B3GALT1: variants seen among roughly 807,000 people sequenced by gnomAD.
B3GALT1 encodes UDP-Gal:betaGlcNAc beta 1,3-galactosyltransferase, polypeptide 1.
B3GALT1 carries 10 observed loss-of-function variants against 23.2 expected under a neutral mutation model. The observed-to-expected ratio is 0.43, with a 90% CI of 0.27 to 0.73. The LOEUF is 0.73. Among genes scored for constraint, B3GALT1 ranks in the 30% least tolerant of loss-of-function variants. B3GALT1 has a pLI of 0.21. For missense variants in B3GALT1, 299 were observed against 405.4 expected, an observed-to-expected ratio of 0.74 and a Z score of 2.25; for synonymous variants, 156 against 141.5, an observed-to-expected ratio of 1.10 and a Z score of -0.73.
intron 2 of B3GALT1, among the ~76,000 whole-genome samples, chr2:167,538,968 C>A (rs1420218269): frequency 2.6e-5 from 4 of 152,042 alleles, no homozygotes; most frequent in African/African-American, 9.7e-5. Flanking sequence ...TTCTTGTGCT[C>A]CAAATTATTG....
At chr2:167,491,280 C>T (rs558171704) in intron 2 of B3GALT1, among the ~76,000 whole-genome samples, 21 of 152,270 alleles carry the variant, frequency 1.4e-4, no homozygotes, top group African/African-American at 5.1e-4. Context: ...GGCCTGAACA[C>T]TCTGTGGTAT....
chr2:167,462,578 T>C (rs189748850), intron 1 of B3GALT1, among the ~76,000 whole-genome samples: 82 of 152,296 alleles, frequency 5.4e-4, no homozygotes, highest in African/African-American at 1.9e-3. Context: ...TATCTTAGTA[T>C]ACCCGATGAA....
At chr2:167,360,283 A>G (rs1461524572) in intron 1 of B3GALT1, among the ~76,000 whole-genome samples, 1 of 152,206 alleles carries the variant, frequency 6.6e-6, no homozygotes, top group Non-Finnish European at 1.5e-5. Context: ...ATAGTAAGCA[A>G]CTACATACTT....
intron 1 of B3GALT1, among the ~76,000 whole-genome samples, chr2:167,321,810 T>C (rs73015841): frequency 0.012 from 1,767 of 152,176 alleles, 26 homozygotes; most frequent in Admixed American, 0.033. Flanking sequence ...ATTCCACTTA[T>C]AAACTTCCCA....
intron 1 of B3GALT1, among the ~76,000 whole-genome samples, chr2:167,400,378 C>G (rs941213195): frequency 6.6e-6 from 1 of 151,986 alleles, no homozygotes; most frequent in African/African-American, 2.4e-5. Flanking sequence ...TTAGTCAGAT[C>G]TCAGATCTCC....
intron 2 of B3GALT1, among the ~76,000 whole-genome samples, chr2:167,585,438 A>G (rs1684570381): frequency 1.3e-5 from 2 of 152,206 alleles, no homozygotes; most frequent in Admixed American, 1.3e-4. Flanking sequence ...TAAACATACA[A>G]GAAGATGCTC....
chr2:167,818,825 G>A (rs836724), intron 4 of B3GALT1, among the ~76,000 whole-genome samples, 32 bp downstream of exon 4: 37,334 of 151,902 alleles, frequency 0.25, 5,053 homozygotes, highest in East Asian at 0.56. Context: ...CGAGAAACAC[G>A]TTTCTCAGTT....
intron 3 of B3GALT1, among the ~76,000 whole-genome samples, chr2:167,780,625 A>G (rs570974813): frequency 1.3e-5 from 2 of 152,316 alleles, no homozygotes; most frequent in South Asian, 2.1e-4. Flanking sequence ...CTGGATTGCT[A>G]TATTTTGGAT....
intron 3 of B3GALT1, among the ~76,000 whole-genome samples, chr2:167,748,023 G>A (rs944846972): frequency 6.6e-6 from 1 of 151,982 alleles, no homozygotes; most frequent in Non-Finnish European, 1.5e-5. Context: ...TTTGTACAAA[G>A]TTTACTGCCA....
At chr2:167,472,376 G>A (rs1699429160) in intron 1 of B3GALT1, among the ~76,000 whole-genome samples, 1 of 152,084 alleles carries the variant, frequency 6.6e-6, no homozygotes, top group Non-Finnish European at 1.5e-5. Flanking sequence ...TGGCCCCCAA[G>A]TGTATTAGAC....
chr2:167,669,624 C>CA (rs1686284948), intron 3 of B3GALT1, among the ~76,000 whole-genome samples: 1 of 152,092 alleles, frequency 6.6e-6, no homozygotes, highest in Non-Finnish European at 1.5e-5. Context: ...AGAAATGTAT[C>CA]TAAAATTTAT....
intron 1 of B3GALT1, among the ~76,000 whole-genome samples, chr2:167,474,559 T>G (rs1186108910): frequency 6.6e-6 from 1 of 152,148 alleles, no homozygotes; most frequent in African/African-American, 2.4e-5. Context: ...CTTGGGCTCA[T>G]TTCACGTGGA....
intron 2 of B3GALT1, among the ~76,000 whole-genome samples, chr2:167,539,693 C>G (rs948552745): frequency 1.3e-4 from 19 of 151,892 alleles, no homozygotes; most frequent in African/African-American, 4.4e-4. Context: ...TTTTAGTTAA[C>G]TAAAAATAGC....
In B3GALT1 at chr2:167,564,462, G is replaced by T. The variant is rs1257306092; in HGVS notation, c.-410+74185G>T. Among the ~76,000 whole-genome samples the T allele has an allele frequency of 3.3e-5, 5 of 152,146 alleles. No homozygotes were observed. The East Asian group carries it at 9.7e-4, about 29-fold the overall frequency. ...CGCTCCCCACCTCCCAGACGGGGTG[G>T]CGGCCGGGCAGAGGCTGCAATCTCG... is the stretch of plus-strand genomic sequence containing the variant. On this transcript the variant is annotated intron_variant, in intron 2 of 4. Transcript: ENST00000392690.
intron 2 of B3GALT1, among the ~76,000 whole-genome samples, chr2:167,570,552 T>G (rs542531956): frequency 9.9e-5 from 15 of 152,120 alleles, no homozygotes; most frequent in African/African-American, 3.4e-4. Context: ...AAAAGTGTTA[T>G]AGTTTTAATG....
chr2:167,339,866 C>T (rs997219663), intron 1 of B3GALT1, among the ~76,000 whole-genome samples: 3 of 152,104 alleles, frequency 2.0e-5, no homozygotes, highest in Non-Finnish European at 4.4e-5. Flanking sequence ...ACTCAATCTC[C>T]ACACAGGTTA....
intron 3 of B3GALT1, among the ~76,000 whole-genome samples, chr2:167,656,868 T>A (rs559126069): frequency 4.5e-4 from 69 of 152,240 alleles, no homozygotes; most frequent in African/African-American, 1.5e-3. Context: ...AGATTTTTTG[T>A]CTAACTAGAG....
chr2:167,504,629 A>G (rs1311858892), intron 2 of B3GALT1, among the ~76,000 whole-genome samples: 1 of 151,292 alleles, frequency 6.6e-6, no homozygotes, highest in African/African-American at 2.4e-5. Flanking sequence ...TCTGTGCAAC[A>G]TAACACAGTC....
At chr2:167,784,253 G>GGAGA (rs1181782336) in intron 3 of B3GALT1, among the ~76,000 whole-genome samples, 1 of 152,162 alleles carries the variant, frequency 6.6e-6, no homozygotes, top group Non-Finnish European at 1.5e-5. Flanking sequence ...CCGATTACCA[G>GGAGA]GAGATGTGCA....
Sources: gnomAD v4.1 joint callset for allele counts (sites outside exome capture counted in the v4.1 genomes callset) on GRCh38, gnomAD v4.1.1 for gene constraint, MANE v1.5 for transcripts, NCBI Gene and HGNC (gene_info 2026-07-23, HGNC 2026-07-21) for gene names.